Variants in NR5A1 observed in about 807,000 individuals in gnomAD.
The protein encoded by NR5A1 is nuclear receptor subfamily 5 group A member 1, also known as steroidogenic factor 1.
In NR5A1, 6 loss-of-function variants were observed where a neutral mutation model predicts 42.7. The observed-to-expected ratio is 0.14, with a 90% CI of 0.08 to 0.28. The LOEUF (loss-of-function observed/expected upper bound fraction) is 0.28, where lower values mean the gene tolerates loss of function less well. Among genes scored for constraint, NR5A1 ranks in the 10% least tolerant of loss-of-function variants. The pLI, the probability that NR5A1 is intolerant of heterozygous loss-of-function variation, is 1.00. For synonymous variants in NR5A1, 274 were observed against 277.5 expected, an observed-to-expected ratio of 0.99 and a Z score of 0.12; for missense variants, 442 against 626.4, an observed-to-expected ratio of 0.71 and a Z score of 3.14.
Position 124,482,756 on chromosome 9 carries a change from G to A in NR5A1, c.*2C>T, listed in dbSNP as rs759390100. On this transcript the variant is annotated 3_prime_UTR_variant, in exon 7 of 7. Transcript: ENST00000373588. ...AGTCCCGGCCCCGCCCCCGGCCCAG[G>A]CTCAAGTCTGCTTGGCTTGCAGCAT... 2.8e-6 allele frequency: 4 copies of A among 1,446,652 alleles called. No homozygotes were observed. Among genetic ancestry groups the A allele is most frequent in the Non-Finnish European group, 3.7e-6 (4 of 1,085,562 alleles). The allele number at this position is 1,446,652 out of a possible 1,614,324, so 89.6% of individuals were successfully genotyped here. A position where few individuals can be genotyped will look rare whatever the true frequency, so the allele number is the denominator to read the frequency against.
intron 4 of NR5A1, among the ~76,000 whole-genome samples, chr9:124,494,835 C>G (rs1832365129): frequency 6.6e-6 from 1 of 152,186 alleles, no homozygotes; most frequent in African/African-American, 2.4e-5. Context: ...AGACCACTCT[C>G]TACCTGGGAC....
chr9:124,491,031 C>A, intron 6 of NR5A1, 50 bp downstream of exon 6: 1 of 1,217,252 alleles, frequency 8.2e-7, no homozygotes, highest in Non-Finnish European at 1.1e-6. Context: ...ACCCTCCCAC[C>A]CACCCGCCTC....
intron 4 of NR5A1, among the ~76,000 whole-genome samples, chr9:124,494,252 G>C (rs1448865379): frequency 6.6e-6 from 1 of 152,178 alleles, no homozygotes; most frequent in African/African-American, 2.4e-5. Context: ...CTACAGCCCT[G>C]CGAGTTTCGT....
rs534458826 is a variant in NR5A1, at chr9:124,503,467, C to G, written c.-15-57G>C. ...GCGGAGACCGGCAGCCTGGGGTCCCCGCGGCCGCCGCCCCAGCCGCTGTCG... is the reference window on the plus strand; with the variant it reads ...GCGGAGACCGGCAGCCTGGGGTCCCGGCGGCCGCCGCCCCAGCCGCTGTCG... On this transcript the variant is annotated intron_variant, in intron 1 of 6. Transcript: ENST00000373588. This position sits in a 1 kb window ranked among gnomAD's most constrained non-coding sequence, Gnocchi z 9.6. 1,255 of 1,421,526 alleles carry G rather than the reference C, an allele frequency of 8.8e-4. 20 individuals are homozygous for G. In the South Asian group the frequency reaches 0.015, roughly 17 times the overall value. The allele number at this position is 1,421,526 out of a possible 1,614,324, so 88.1% of individuals were successfully genotyped here.
intron 5 of NR5A1, among the ~76,000 whole-genome samples, 180 bp from the exon 6 acceptor site, chr9:124,491,408 G>C (rs1352493897): frequency 1.3e-5 from 2 of 152,138 alleles, no homozygotes; most frequent in Non-Finnish European, 1.5e-5. Context: ...ACAGCCCCGG[G>C]GACGCTGCCG....
At position 124,501,210 on chromosome 9, in the gene NR5A1, G is replaced by C. The variant is rs1174380305; in HGVS notation, c.245-495C>G. The stretch of plus-strand genomic sequence containing the variant: ...TTCTGGGCTCAGGTGTCTAGCATAA[G>C]GCCTGGCAGGGAGATGGTGACCGGA... On this transcript the variant is annotated intron_variant, in intron 3 of 6. Transcript: ENST00000373588. The surrounding 1 kb of genome is among the most constrained non-coding windows in gnomAD (Gnocchi z 4.1). Among the ~76,000 whole-genome samples the C allele has an allele frequency of 6.6e-6, 1 of 152,154 alleles. No individual in the cohort carries two copies. The highest frequency in any genetic ancestry group is 1.5e-5 in the Non-Finnish European group (1 of 68,022).
intron 6 of NR5A1, among the ~76,000 whole-genome samples, chr9:124,490,196 C>T (rs1832285140): frequency 6.6e-6 from 1 of 152,224 alleles, no homozygotes; most frequent in African/African-American, 2.4e-5. Flanking sequence ...TGCCCCTCTT[C>T]CAGGAAGCCT....
chr9:124,491,984 T>C (rs1832317497), intron 5 of NR5A1, among the ~76,000 whole-genome samples: 1 of 151,970 alleles, frequency 6.6e-6, no homozygotes, highest in African/African-American at 2.4e-5. Flanking sequence ...TGCAGGCACC[T>C]GCGCTCACAG....
intron 3 of NR5A1, among the ~76,000 whole-genome samples, chr9:124,502,185 A>C (rs1363658884): frequency 6.6e-6 from 1 of 152,196 alleles, no homozygotes; most frequent in African/African-American, 2.4e-5. Flanking sequence ...TGGGCTTGAC[A>C]GCTAACCTGC....
chr9:124,492,033 G>C (rs768693272), intron 5 of NR5A1, among the ~76,000 whole-genome samples: 1 of 152,094 alleles, frequency 6.6e-6, no homozygotes, highest in Non-Finnish European at 1.5e-5. Flanking sequence ...AGTGCTGCCC[G>C]TCCCGTCCTC....
intron 1 of NR5A1, among the ~76,000 whole-genome samples, chr9:124,505,710 G>A (rs951868688): frequency 4.6e-5 from 7 of 152,156 alleles, no homozygotes; most frequent in African/African-American, 1.4e-4. Context: ...AAGCCTCTAC[G>A]GGCGCAGGAG....
rs565370112 is a variant in NR5A1 at position 124,489,570 on chromosome 9, G to A, written c.1138+1511C>T. On this transcript the variant is annotated intron_variant, in intron 6 of 6. Transcript: ENST00000373588. ...CCCCAACCACACAGACCCCCACCAC[G>A]CACATCTGTGACTCTATCCTGTGCC... 5.7e-4 allele frequency among the ~76,000 whole-genome samples: 87 copies of A among 152,250 alleles called. 1 individual carries two copies. The South Asian group carries it at 0.017, about 29-fold the overall frequency.
rs1832137442 is a variant in NR5A1 at position 124,482,286 on chromosome 9, C to T, written c.*472G>A. The T allele has an allele frequency of 8.5e-6, 2 of 236,558 alleles. No homozygotes were observed. Among genetic ancestry groups the T allele is most frequent in the South Asian group, 6.3e-5 (1 of 15,884 alleles). The allele number at this position is 236,558 out of a possible 1,614,324, so 14.7% of individuals were successfully genotyped here. ...CAAAACAGAGGCTCTCCCTCCTGGT[C>T]TCTATGGGGGGAACACTGGAGACCC... is the stretch of plus-strand genomic sequence containing the variant. On this transcript the variant is annotated 3_prime_UTR_variant, in exon 7 of 7. Transcript: ENST00000373588.
chr9:124,492,894 TG>T, intron 5 of NR5A1, 135 bp downstream of exon 5: 1 of 1,093,686 alleles, frequency 9.1e-7, no homozygotes, highest in Non-Finnish European at 1.3e-6. Context: ...TCCATGAACG[TG>T]GGGAAAGGGC....
chr9:124,503,777 G>A lies in NR5A1; in HGVS notation c.-15-367C>T, dbSNP rs937762083. Among the ~76,000 whole-genome samples the A allele has an allele frequency of 7.9e-5, 12 of 152,368 alleles. No homozygotes were observed. Among genetic ancestry groups the A allele is most frequent in the Middle Eastern group, 3.4e-3 (1 of 294 alleles). On this transcript the variant is annotated intron_variant, in intron 1 of 6. Coordinates refer to ENST00000373588, the MANE Select transcript of NR5A1 (RefSeq NM_004959.5). This position sits in a 1 kb window ranked among gnomAD's most constrained non-coding sequence, Gnocchi z 9.6. ...GGGCTCAGCCGCGGGGAAGACGCCA[G>A]GGGACCCAGGAGCGCTGGGGCGCCC...
In NR5A1 at chr9:124,497,076, C is replaced by T. The variant is rs568926755; in HGVS notation, c.870+3014G>A. Among the ~76,000 whole-genome samples the T allele has an allele frequency of 2.6e-5, 4 of 152,336 alleles. No homozygotes were observed. The South Asian group carries it at 8.3e-4, about 32-fold the overall frequency. On this transcript the variant is annotated intron_variant, in intron 4 of 6. Coordinates refer to ENST00000373588, the MANE Select transcript of NR5A1 (RefSeq NM_004959.5). ...AATGTGTCTCTCCCTGCTGCCTCCC[C>T]GCCAAGGCCTGCATAAGCCTGCAGG... is the stretch of plus-strand genomic sequence containing the variant.
intron 6 of NR5A1, among the ~76,000 whole-genome samples, chr9:124,489,756 A>C (rs573289882): frequency 0.011 from 1,007 of 93,266 alleles, 12 homozygotes; most frequent in African/African-American, 0.035. Flanking sequence ...CCCGCCCCCC[A>C]CCCCAATGGC....
rs1832491611 is a variant in NR5A1, at chr9:124,503,029, AC to A, written c.244+49del. 1 of 1,532,040 alleles carries A rather than the reference AC, an allele frequency of 6.5e-7. No individual in the cohort carries two copies. Among genetic ancestry groups the A allele is most frequent in the Non-Finnish European group, 8.7e-7 (1 of 1,144,426 alleles). The allele number at this position is 1,532,040 out of a possible 1,614,324, so 94.9% of individuals were successfully genotyped here. ...AGCCCCTCTCCCACCCCCACCCCCT[AC>A]CCCCTCAGGCTGTGGGGGGTCAGGG... On this transcript the variant is annotated intron_variant, in intron 3 of 6. Transcript: ENST00000373588. The surrounding 1 kb of genome is among the most constrained non-coding windows in gnomAD (Gnocchi z 9.6).
chr9:124,504,050 G>C (rs1045887415), intron 1 of NR5A1, among the ~76,000 whole-genome samples: 1 of 128,262 alleles, frequency 7.8e-6, no homozygotes, highest in South Asian at 2.3e-4. Context: ...GAGAGAGAGA[G>C]ACGAGAGAGA....
Sources: gnomAD v4.1 joint callset for allele counts (sites outside exome capture counted in the v4.1 genomes callset) on GRCh38, gnomAD v4.1.1 for gene constraint, Gnocchi (gnomAD v3.1) non-coding constraint, MANE v1.5 for transcripts, NCBI Gene and HGNC (gene_info 2026-07-23, HGNC 2026-07-21) for gene names.